Variants in ARHGEF7 observed in about 807,000 individuals in gnomAD.
The protein encoded by ARHGEF7 is PAK-interacting exchange factor beta.
ARHGEF7 carries 33 observed loss-of-function variants against 109.8 expected under a neutral mutation model. The ratio of observed to expected loss-of-function variants is 0.30; its 90% CI spans 0.23 to 0.40. The LOEUF is 0.40. Ranked by LOEUF, ARHGEF7 falls within the 10% of genes least tolerant of loss-of-function variation. The pLI, the probability that ARHGEF7 is intolerant of heterozygous loss-of-function variation, is 1.00. For synonymous variants in ARHGEF7, 458 were observed against 424.6 expected (o/e 1.08, Z -0.97); for missense variants, 938 against 1,098.5 (o/e 0.85, Z 2.07).
chr13:111,152,654 A>G (rs1166241979), intron 1 of ARHGEF7, among the ~76,000 whole-genome samples: 1 of 152,244 alleles, frequency 6.6e-6, no homozygotes, highest in Non-Finnish European at 1.5e-5. Flanking sequence ...TTTCTCCTAC[A>G]GTACAGAAGG....
intron 6 of ARHGEF7, among the ~76,000 whole-genome samples, chr13:111,237,348 C>T (rs1399878149): frequency 6.6e-6 from 1 of 151,992 alleles, no homozygotes; most frequent in African/African-American, 2.4e-5. Flanking sequence ...TTAAACTCAC[C>T]ATAAAAATTT....
At chr13:111,217,953 G>A in intron 5 of ARHGEF7, 73 bp downstream of exon 5, 7 of 1,411,518 alleles carry the variant, frequency 5.0e-6, no homozygotes, top group Non-Finnish European at 5.8e-6. Context: ...TTGACATAGT[G>A]TTTACTCTCC....
At chr13:111,198,760 G>A (rs2080871331) in intron 2 of ARHGEF7, among the ~76,000 whole-genome samples, 1 of 152,200 alleles carries the variant, frequency 6.6e-6, no homozygotes, top group African/African-American at 2.4e-5. Flanking sequence ...GGGGACCTGA[G>A]TGGGTTGCTG....
At chr13:111,182,812 C>T (rs936212868) in intron 2 of ARHGEF7, 1 of 152,192 alleles carries the variant, frequency 6.6e-6, no homozygotes, top group Non-Finnish European at 1.5e-5. Flanking sequence ...TTGACTTTGC[C>T]ATGGTGCAAA....
At chr13:111,141,527 A>T (rs944456048) in intron 1 of ARHGEF7, among the ~76,000 whole-genome samples, 1 of 152,198 alleles carries the variant, frequency 6.6e-6, no homozygotes, top group Non-Finnish European at 1.5e-5. Flanking sequence ...TGGAAGCTCC[A>T]AAAGTTTTAT....
At chr13:111,170,396 C>T (rs781517540) in intron 2 of ARHGEF7, among the ~76,000 whole-genome samples, 63 of 152,236 alleles carry the variant, frequency 4.1e-4, no homozygotes, top group Non-Finnish European at 6.8e-4. Context: ...CCGTGCCTGG[C>T]GCAGTTAGTC....
At chr13:111,198,509 G>T (rs1305828485) in intron 2 of ARHGEF7, among the ~76,000 whole-genome samples, 2 of 152,078 alleles carry the variant, frequency 1.3e-5, no homozygotes, top group African/African-American at 4.8e-5. Context: ...TGGGTTTGTG[G>T]TCTCGCTGAC....
intron 1 of ARHGEF7, among the ~76,000 whole-genome samples, chr13:111,122,147 G>C (rs1275342243): frequency 6.6e-6 from 1 of 152,244 alleles, no homozygotes; most frequent in East Asian, 1.9e-4. Context: ...TGGTGGGCCT[G>C]CTGAACGTGG....
At chr13:111,298,243 T>C (rs1352702291) in intron 19 of ARHGEF7, among the ~76,000 whole-genome samples, 1 of 152,244 alleles carries the variant, frequency 6.6e-6, no homozygotes, top group African/African-American at 2.4e-5. Context: ...CTGTATCTTT[T>C]GGGCAAATAG....
At chr13:111,222,914 G>T (rs1262127669) in intron 5 of ARHGEF7, among the ~76,000 whole-genome samples, 2 of 152,232 alleles carry the variant, frequency 1.3e-5, no homozygotes, top group African/African-American at 4.8e-5. Flanking sequence ...GTTCGAAACA[G>T]GTGAGAACAA....
At chr13:111,125,013 G>C (rs575202782) in intron 1 of ARHGEF7, among the ~76,000 whole-genome samples, 8 of 152,258 alleles carry the variant, frequency 5.3e-5, no homozygotes, top group African/African-American at 1.9e-4. Context: ...GCCTACCTCG[G>C]CCTCCCAAAG....
At chr13:111,130,308 A>G (rs1311368370) in intron 1 of ARHGEF7, among the ~76,000 whole-genome samples, 1 of 152,174 alleles carries the variant, frequency 6.6e-6, no homozygotes, top group Non-Finnish European at 1.5e-5. Flanking sequence ...AACTTATCAA[A>G]GTGCACAGTT....
At chr13:111,234,428 C>A (rs563028324) in intron 6 of ARHGEF7, among the ~76,000 whole-genome samples, 1 of 152,166 alleles carries the variant, frequency 6.6e-6, no homozygotes, top group Non-Finnish European at 1.5e-5. Flanking sequence ...GTTTATTGGG[C>A]GCCTGCTCTG....
chr13:111,254,515 C>T (rs1426397718), intron 8 of ARHGEF7, among the ~76,000 whole-genome samples: 4 of 144,424 alleles, frequency 2.8e-5, no homozygotes, highest in Admixed American at 1.4e-4. Context: ...GGCGCTGAGT[C>T]GCTAACATGA....
chr13:111,233,134 C>T, intron 5 of ARHGEF7, 71 bp from the exon 6 acceptor site: 1 of 1,287,874 alleles, frequency 7.8e-7, no homozygotes, highest in Non-Finnish European at 1.1e-6. Flanking sequence ...TATCCTTGGC[C>T]TGTGTGAGGG....
chr13:111,278,535 A>C (rs919885247), intron 13 of ARHGEF7, among the ~76,000 whole-genome samples: 1 of 152,170 alleles, frequency 6.6e-6, no homozygotes, highest in Non-Finnish European at 1.5e-5. Context: ...CCCAGAGAGG[A>C]CTTGTGGCCA....
At chr13:111,233,502 T>C (rs912416695) in intron 6 of ARHGEF7, among the ~76,000 whole-genome samples, 3 of 152,216 alleles carry the variant, frequency 2.0e-5, no homozygotes, top group African/African-American at 7.2e-5. Context: ...TTTAATATCA[T>C]GTATATGGAA....
At chr13:111,246,955 C>T (rs776052889) in intron 8 of ARHGEF7, among the ~76,000 whole-genome samples, 2 of 152,302 alleles carry the variant, frequency 1.3e-5, no homozygotes, top group African/African-American at 2.4e-5. Context: ...GTAAAGTAAT[C>T]GCTTGAAGCC....
intron 2 of ARHGEF7, among the ~76,000 whole-genome samples, chr13:111,187,426 G>C (rs922577811): frequency 6.6e-6 from 1 of 152,186 alleles, no homozygotes; most frequent in African/African-American, 2.4e-5. Context: ...GAAAGAGAGC[G>C]GAGAAAGCCT....
Sources: gnomAD v4.1 joint callset for allele counts (sites outside exome capture counted in the v4.1 genomes callset) on GRCh38, gnomAD v4.1.1 for gene constraint, MANE v1.5 for transcripts, NCBI Gene and HGNC (gene_info 2026-07-23, HGNC 2026-07-21) for gene names.